The following EPS8 variants were observed in gnomAD, a reference collection of about 807,000 sequenced individuals.
The protein encoded by EPS8 is EGFR pathway substrate 8, signaling adaptor.
In EPS8, 42 loss-of-function variants were observed where a neutral mutation model predicts 103.8. The observed-to-expected ratio is 0.40, with a 90% confidence interval of 0.32 to 0.52. EPS8 has a LOEUF of 0.52. EPS8 is among the 20% of genes least tolerant of loss of function. EPS8 has a pLI of 0.40. For missense variants in EPS8, 969 were observed against 1,005.1 expected (o/e 0.96, Z 0.49); for synonymous variants, 344 against 344.6 (o/e 1.00, Z 0.02).
rs1207841980 is a variant in EPS8, at chr12:15,757,109, T to A, written c.-22+32052A>T. 6.6e-6 allele frequency among the ~76,000 whole-genome samples: 1 copy of A among 152,204 alleles called. No homozygotes were observed. The highest frequency in any genetic ancestry group is 2.4e-5 in the African/African-American group (1 of 41,446). On this transcript the variant is annotated intron_variant, in intron 1 of 20. Transcript: ENST00000281172. The surrounding 1 kb of genome is among the most constrained non-coding windows in gnomAD (Gnocchi z 4.1). ...ATGATCATATCTCATAAATTTTATG[T>A]CCCTAGTAACTGTAATAGAAACCTA...
At chr12:15,783,144 T>C (rs1183650321) in intron 1 of EPS8, among the ~76,000 whole-genome samples, 1 of 152,136 alleles carries the variant, frequency 6.6e-6, no homozygotes, top group East Asian at 1.9e-4. Flanking sequence ...TGCCCCTCCA[T>C]TCCCCCACCT....
In EPS8 at chr12:15,658,139, A is replaced by G; in HGVS notation, c.1041T>C (p.Ser347=). The G allele has an allele frequency of 6.2e-7, 1 of 1,610,682 alleles. No homozygotes were observed. Among genetic ancestry groups the G allele is most frequent in the Non-Finnish European group, 8.5e-7 (1 of 1,177,662 alleles). The change falls in exon 12 of 21, where the codon TCT becomes TCC. Residue 347 remains serine (S), a synonymous_variant. Transcript: ENST00000281172. ...HGFNLLAKLK[S]HIQNPSAADL... ...CTGCAGCACTAGGATTCTGAATATG[A>G]GACTTCAGTTTGGCCTGCAACATGA... is the stretch of plus-strand genomic sequence containing the variant.
At chr12:15,654,997 A>T (rs1945482306) in intron 12 of EPS8, among the ~76,000 whole-genome samples, 1 of 152,218 alleles carries the variant, frequency 6.6e-6, no homozygotes, top group African/African-American at 2.4e-5. Flanking sequence ...GCTAAAAAAA[A>T]AATGGTAGTT....
intron 1 of EPS8, among the ~76,000 whole-genome samples, chr12:15,768,251 G>A (rs866928926): frequency 6.6e-6 from 1 of 151,354 alleles, no homozygotes; most frequent in Non-Finnish European, 1.5e-5. Flanking sequence ...CAGCCTGGCC[G>A]ATATGGTGAA....
Position 15,764,315 on chromosome 12 carries a change from A to G in EPS8, c.-22+24846T>C, listed in dbSNP as rs1947071477. Among the ~76,000 whole-genome samples the G allele has an allele frequency of 6.6e-6, 1 of 152,214 alleles. No individual in the cohort carries two copies. Among genetic ancestry groups the G allele is most frequent in the Non-Finnish European group, 1.5e-5 (1 of 68,038 alleles). On this transcript the variant is annotated intron_variant, in intron 1 of 20. Coordinates refer to ENST00000281172, the MANE Select transcript of EPS8 (RefSeq NM_004447.6). This position sits in a 1 kb window ranked among gnomAD's most constrained non-coding sequence, Gnocchi z 4.1. ...ACACATGGGAATTATGCAAGCTACA[A>G]TTCAAGATGAGCTTTGGGTGGGGAC...
chr12:15,665,582 C>T (rs1392547356), intron 8 of EPS8, 174 bp downstream of exon 8: 30 of 673,284 alleles, frequency 4.5e-5, no homozygotes, highest in Non-Finnish European at 6.0e-5. Flanking sequence ...CCGCCCGCCT[C>T]GGCCTCCCAA....
chr12:15,710,817 T>C (rs1180900514), intron 1 of EPS8, among the ~76,000 whole-genome samples: 2 of 152,120 alleles, frequency 1.3e-5, no homozygotes. Context: ...ATAACCTACC[T>C]TATTATATTC....
rs1011905331 is a variant in EPS8 at position 15,734,057 on chromosome 12, C to A, written c.-21-51085G>T. ...GTCTCTCCATGTTGCCCAGACTAGT[C>A]TCAAACTCCTGAGCTCAAGTAATCC... is the stretch of plus-strand genomic sequence containing the variant. On this transcript the variant is annotated intron_variant, in intron 1 of 20. Coordinates refer to ENST00000281172, the MANE Select transcript of EPS8 (RefSeq NM_004447.6). The surrounding 1 kb of genome is among the most constrained non-coding windows in gnomAD (Gnocchi z 4.1). Among the ~76,000 whole-genome samples, 6 of 152,122 alleles carry A rather than the reference C, an allele frequency of 3.9e-5. No homozygotes were observed. In the East Asian group the frequency reaches 1.2e-3, roughly 29 times the overall value.
chr12:15,650,771 A>C, intron 14 of EPS8, 52 bp downstream of exon 14: 1 of 1,403,780 alleles, frequency 7.1e-7, no homozygotes, highest in Non-Finnish European at 9.9e-7. Context: ...TTACAAGAGA[A>C]TACACAGATA....
At position 15,696,412 on chromosome 12, in the gene EPS8, C is replaced by T. The variant is rs1417179583; in HGVS notation, c.-21-13440G>A. Among the ~76,000 whole-genome samples the T allele has an allele frequency of 2.0e-5, 3 of 152,054 alleles. No individual in the cohort carries two copies. The highest frequency in any genetic ancestry group is 4.4e-5 in the Non-Finnish European group (3 of 68,014). ...ATCCCAGCACTTTGGGAGGCCAAGG[C>T]AGGCAGATCACGAGGTCAGGAGTTC... is the stretch of plus-strand genomic sequence containing the variant. On this transcript the variant is annotated intron_variant, in intron 1 of 20. Coordinates refer to ENST00000281172, the MANE Select transcript of EPS8 (RefSeq NM_004447.6). This position sits in a 1 kb window ranked among gnomAD's most constrained non-coding sequence, Gnocchi z 4.8.
chr12:15,661,533 A>G (rs927135755), intron 9 of EPS8, among the ~76,000 whole-genome samples: 1 of 152,196 alleles, frequency 6.6e-6, no homozygotes, highest in Non-Finnish European at 1.5e-5. Context: ...CATTTACAGC[A>G]TTCTCATTCT....
intron 1 of EPS8, among the ~76,000 whole-genome samples, chr12:15,775,785 C>T (rs1359702129): frequency 6.6e-6 from 1 of 152,102 alleles, no homozygotes; most frequent in Non-Finnish European, 1.5e-5. Flanking sequence ...AGTACTAGCA[C>T]TTAATAGGCA....
In EPS8 at chr12:15,778,515, A is replaced by C. The variant is rs1947229652; in HGVS notation, c.-22+10646T>G. ...ACAAAAACACTGTAGTTTATGGTAC[A>C]CAGTACTTTTTTGAAAACAGACCAC... On this transcript the variant is annotated intron_variant, in intron 1 of 20. Transcript: ENST00000281172. This position sits in a 1 kb window ranked among gnomAD's most constrained non-coding sequence, Gnocchi z 4.5. Among the ~76,000 whole-genome samples the C allele has an allele frequency of 1.3e-5, 2 of 152,256 alleles. No homozygotes were observed. Among genetic ancestry groups the C allele is most frequent in the Non-Finnish European group, 2.9e-5 (2 of 68,038 alleles).
intron 1 of EPS8, among the ~76,000 whole-genome samples, chr12:15,719,904 C>T (rs951043546): frequency 1.3e-5 from 2 of 152,122 alleles, no homozygotes; most frequent in Admixed American, 6.5e-5. Context: ...CCAACTACGT[C>T]AAGAGGTGGT....
rs1340288245 is a variant in EPS8 at position 15,701,886 on chromosome 12, C to T, written c.-21-18914G>A. ...TGCTGTTTGTTTCCTCTTGAGTAAT[C>T]TAGACTAAAAAGAGTTCAAACATCT... On this transcript the variant is annotated intron_variant, in intron 1 of 20. Transcript: ENST00000281172. The surrounding 1 kb of genome is among the most constrained non-coding windows in gnomAD (Gnocchi z 5.1). Among the ~76,000 whole-genome samples, 1 of 152,048 alleles carries T rather than the reference C, an allele frequency of 6.6e-6. No individual in the cohort carries two copies. The highest frequency in any genetic ancestry group is 1.9e-4 in the East Asian group (1 of 5,198).
chr12:15,699,192 CT>C (rs1328083479), intron 1 of EPS8, among the ~76,000 whole-genome samples: 2 of 152,144 alleles, frequency 1.3e-5, no homozygotes, highest in African/African-American at 4.8e-5. Flanking sequence ...AGAAAAATAC[CT>C]TTGAGTTGCT....
chr12:15,727,718 C>T lies in EPS8; in HGVS notation c.-21-44746G>A, dbSNP rs141178975. On this transcript the variant is annotated intron_variant, in intron 1 of 20. Transcript: ENST00000281172. The surrounding 1 kb of genome is among the most constrained non-coding windows in gnomAD (Gnocchi z 4.3). The stretch of plus-strand genomic sequence containing the variant: ...ACTAAAAATACAAAAATTAGCCGGG[C>T]GTGGTGGCGCGTGCCTGTAATCCCA... 1.6e-3 allele frequency among the ~76,000 whole-genome samples: 245 copies of T among 152,094 alleles called. 1 individual carries two copies. Among genetic ancestry groups the T allele is most frequent in the African/African-American group, 4.3e-3 (178 of 41,476 alleles).
rs1432045020 is a variant in EPS8, at chr12:15,764,564, T to C, written c.-22+24597A>G. Among the ~76,000 whole-genome samples, 3 of 152,200 alleles carry C rather than the reference T, an allele frequency of 2.0e-5. No individual in the cohort carries two copies. Among genetic ancestry groups the C allele is most frequent in the Non-Finnish European group, 4.4e-5 (3 of 68,034 alleles). ...ACTTTTCTCTCTCTAAATCTATGACTATACAACCTAAAGATTTTATTTTCA... is the reference window on the plus strand; with the variant it reads ...ACTTTTCTCTCTCTAAATCTATGACCATACAACCTAAAGATTTTATTTTCA... On this transcript the variant is annotated intron_variant, in intron 1 of 20. Transcript: ENST00000281172. This position sits in a 1 kb window ranked among gnomAD's most constrained non-coding sequence, Gnocchi z 4.1.
Position 15,669,844 on chromosome 12 carries a change from G to T in EPS8, c.205-19C>A. On this transcript the variant is annotated intron_variant, in intron 4 of 20. Transcript: ENST00000281172. The stretch of plus-strand genomic sequence containing the variant: ...TCAAGTGCTTACAATTGGCAAAAAG[G>T]AAAAAGATTTATAACACATACAAAC... 6.4e-7 allele frequency: 1 copy of T among 1,563,784 alleles called. No individual in the cohort carries two copies. Among genetic ancestry groups the T allele is most frequent in the Non-Finnish European group, 8.6e-7 (1 of 1,158,046 alleles).
Sources: gnomAD v4.1 joint callset for allele counts (sites outside exome capture counted in the v4.1 genomes callset) on GRCh38, gnomAD v4.1.1 for gene constraint, Gnocchi (gnomAD v3.1) non-coding constraint, MANE v1.5 for transcripts, NCBI Gene and HGNC (gene_info 2026-07-23, HGNC 2026-07-21) for gene names.